The following SUGCT variants were observed in gnomAD, a reference collection of about 807,000 sequenced individuals.
SUGCT encodes succinyl-CoA:glutarate-CoA transferase, also known as succinyl-CoA:glutarate CoA-transferase.
SUGCT carries 41 observed loss-of-function variants against 55.0 expected under a neutral mutation model. The observed-to-expected ratio is 0.74, with a 90% confidence interval of 0.58 to 0.97. The LOEUF (loss-of-function observed/expected upper bound fraction) is 0.97. Among genes scored for constraint, SUGCT ranks in the 50% least tolerant of loss-of-function variants. The pLI is 0.00. For synonymous variants in SUGCT, 187 were observed against 200.4 expected (o/e 0.93, Z 0.56); for missense variants, 568 against 547.8 (o/e 1.04, Z -0.37).
chr7:40,509,799 A>G (rs944397749), intron 12 of SUGCT, among the ~76,000 whole-genome samples: 4 of 152,142 alleles, frequency 2.6e-5, no homozygotes, highest in African/African-American at 9.7e-5. Flanking sequence ...TCCTCAGTCC[A>G]TCTGCTGCTA....
chr7:40,245,421 ATATTTTTTTTTTTTTTT>A (rs1490650985), intron 7 of SUGCT, among the ~76,000 whole-genome samples: 3 of 39,884 alleles, frequency 7.5e-5, no homozygotes, highest in African/African-American at 3.7e-4. Context: ...ATATATATAT[ATATTTTTTTTTTTTTTT>A]TTTTTTTTTT....
chr7:40,477,675 A>G (rs1790778041), intron 11 of SUGCT, among the ~76,000 whole-genome samples: 1 of 152,220 alleles, frequency 6.6e-6, no homozygotes, highest in Non-Finnish European at 1.5e-5. Context: ...AATGTAAAAT[A>G]GTAAATTTTT....
At chr7:40,473,100 T>C (rs998635188) in intron 11 of SUGCT, among the ~76,000 whole-genome samples, 2 of 152,202 alleles carry the variant, frequency 1.3e-5, no homozygotes, top group African/African-American at 4.8e-5. Context: ...AAATGTTTCA[T>C]TTTTCAGTGG....
In SUGCT at chr7:40,639,513, ATTT is replaced by A. The variant is rs375633993; in HGVS notation, c.1090-109905_1090-109903del. On this transcript the variant is annotated intron_variant, in intron 12 of 13. Transcript: ENST00000335693. The stretch of plus-strand genomic sequence containing the variant: ...AAGGTAATAATATATGCTTTTTCAG[ATTT>A]TTTTTTTTTTTTTTTGAGAAGGAGT... Among the ~76,000 whole-genome samples, 458 of 137,282 alleles carry A rather than the reference ATTT, an allele frequency of 3.3e-3. 1 individual carries two copies. The highest frequency in any genetic ancestry group is 0.011 in the Middle Eastern group (3 of 262). The allele number at this position is 137,282 out of a possible 152,430, so 90.1% of individuals were successfully genotyped here.
At chr7:40,602,650 A>G (rs1023200954) in intron 12 of SUGCT, among the ~76,000 whole-genome samples, 5 of 152,220 alleles carry the variant, frequency 3.3e-5, no homozygotes, top group African/African-American at 1.2e-4. Flanking sequence ...CCAGTGGTAT[A>G]CAGAGCTGAT....
chr7:40,962,897 C>A, the SUGCT span, among the ~76,000 whole-genome samples: 1 of 152,110 alleles, frequency 6.6e-6, no homozygotes, highest in Non-Finnish European at 1.5e-5. Flanking sequence ...CTGTGTACCA[C>A]TCTTTTAGGC....
At chr7:40,987,821 C>T in the SUGCT span, among the ~76,000 whole-genome samples, 1 of 152,106 alleles carries the variant, frequency 6.6e-6, no homozygotes, top group Non-Finnish European at 1.5e-5. Context: ...CATTATTTGT[C>T]ATTCTATTTA....
intron 13 of SUGCT, among the ~76,000 whole-genome samples, chr7:40,814,224 T>A (rs1290392763): frequency 6.6e-6 from 1 of 152,156 alleles, no homozygotes; most frequent in Non-Finnish European, 1.5e-5. Flanking sequence ...TCTGGATTTC[T>A]TGTATCTGGA....
chr7:40,444,105 A>G (rs1211642297), intron 9 of SUGCT, among the ~76,000 whole-genome samples: 1 of 152,118 alleles, frequency 6.6e-6, no homozygotes, highest in African/African-American at 2.4e-5. Context: ...TACCAGTACC[A>G]TGCTGTTTTG....
chr7:40,636,792 T>G (rs1038594346), intron 12 of SUGCT, among the ~76,000 whole-genome samples: 1 of 151,484 alleles, frequency 6.6e-6, no homozygotes, highest in African/African-American at 2.5e-5. Context: ...TTACCACAAT[T>G]TAAAAAGCCA....
chr7:40,212,376 A>T (rs1787390736), intron 6 of SUGCT, among the ~76,000 whole-genome samples: 1 of 118,216 alleles, frequency 8.5e-6, no homozygotes, highest in Non-Finnish European at 1.9e-5. Flanking sequence ...GTGAGCTATG[A>T]TCAAGCCACT....
At chr7:40,998,642 T>C in the SUGCT span, among the ~76,000 whole-genome samples, 42,943 of 152,136 alleles carry the variant, frequency 0.28, 7,577 homozygotes, top group Admixed American at 0.45. Context: ...AAGGTTCTGA[T>C]TTAATCAGCC....
chr7:40,718,600 G>A (rs1425263103), intron 12 of SUGCT, among the ~76,000 whole-genome samples: 2 of 152,102 alleles, frequency 1.3e-5, no homozygotes, highest in Non-Finnish European at 2.9e-5. Context: ...CTTTCTGACT[G>A]TTTAATAATA....
chr7:40,173,372 A>G (rs1784770133), intron 1 of SUGCT, among the ~76,000 whole-genome samples: 1 of 152,214 alleles, frequency 6.6e-6, no homozygotes, highest in African/African-American at 2.4e-5. Context: ...CGACAGCAGC[A>G]AACAGCAGTG....
intron 1 of SUGCT, chr7:40,153,406 A>T: frequency 2.7e-6 from 1 of 370,292 alleles, no homozygotes; most frequent in South Asian, 2.5e-5. Flanking sequence ...GGCCGACATG[A>T]CCAATTTGAT....
the SUGCT span, among the ~76,000 whole-genome samples, chr7:40,884,208 GC>G: frequency 1.2e-4 from 18 of 152,308 alleles, no homozygotes; most frequent in African/African-American, 4.1e-4. Flanking sequence ...ATAGGAAACT[GC>G]TACCTGGCTG....
At chr7:40,147,071 A>ACT (rs1024235570) in intron 1 of SUGCT, among the ~76,000 whole-genome samples, 4 of 121,130 alleles carry the variant, frequency 3.3e-5, no homozygotes, top group East Asian at 4.8e-4. Flanking sequence ...CTTTCTCCTC[A>ACT]CTCTCTCTCT....
chr7:40,293,236 T>C (rs1368001327), intron 8 of SUGCT, among the ~76,000 whole-genome samples: 5 of 152,198 alleles, frequency 3.3e-5, no homozygotes. Flanking sequence ...TTGTTGTTGC[T>C]ACTGTTAAAA....
chr7:40,383,729 G>C (rs1018061243), intron 9 of SUGCT, among the ~76,000 whole-genome samples: 2 of 152,204 alleles, frequency 1.3e-5, no homozygotes, highest in Non-Finnish European at 2.9e-5. Flanking sequence ...TGATAATTGA[G>C]CTGGTCTTAA....
Sources: gnomAD v4.1 joint callset for allele counts (sites outside exome capture counted in the v4.1 genomes callset) on GRCh38, gnomAD v4.1.1 for gene constraint, MANE v1.5 for transcripts, NCBI Gene and HGNC (gene_info 2026-07-23, HGNC 2026-07-21) for gene names.